Variants in GLS observed in about 807,000 individuals in gnomAD.
The protein encoded by GLS is glutaminase kidney isoform, mitochondrial.
Under a neutral mutation model 86.7 loss-of-function variants are expected in GLS, and 36 were observed. The ratio of observed to expected loss-of-function variants is 0.42; its 90% CI spans 0.32 to 0.55. The LOEUF (loss-of-function observed/expected upper bound fraction) is 0.55, where lower values mean the gene tolerates loss of function less well. GLS is among the 20% of genes least tolerant of loss of function. The probability of loss-of-function intolerance (pLI) is 0.17; values close to 1 mark genes in which losing one functional copy is unlikely to be tolerated. For missense variants in GLS, 528 were observed against 833.4 expected (o/e 0.63, Z 4.51); for synonymous variants, 317 against 305.9 (o/e 1.04, Z -0.38).
rs901038456 is a variant in GLS at position 190,897,881 on chromosome 2, T to C, written c.605+2156T>C. On this transcript the variant is annotated intron_variant, in intron 3 of 17. Transcript: ENST00000320717. This position sits in a 1 kb window ranked among gnomAD's most constrained non-coding sequence, Gnocchi z 4.3. ...TAATATTTTTAGACTTTTTCGGTAA[T>C]CTGAGAAAACTATTATGTGTGACTT... Among the ~76,000 whole-genome samples the C allele has an allele frequency of 6.6e-6, 1 of 152,208 alleles. No homozygotes were observed. The highest frequency in any genetic ancestry group is 2.4e-5 in the African/African-American group (1 of 41,452).
At chr2:190,908,300 G>C (rs1178038512) in intron 6 of GLS, among the ~76,000 whole-genome samples, 1 of 152,124 alleles carries the variant, frequency 6.6e-6, no homozygotes, top group Non-Finnish European at 1.5e-5. Context: ...TTTAGTATAT[G>C]TATTAGCAAA....
intron 1 of GLS, among the ~76,000 whole-genome samples, chr2:190,889,264 T>C (rs2125977483): frequency 6.6e-6 from 1 of 152,332 alleles, no homozygotes; most frequent in South Asian, 2.1e-4. Flanking sequence ...ATTCAATTTA[T>C]AGAGTTAATT....
At position 190,943,649 on chromosome 2, in the gene GLS, T is replaced by C. The variant is rs963250284; in HGVS notation, c.1651-9916T>C. 6.6e-6 allele frequency among the ~76,000 whole-genome samples: 1 copy of C among 152,204 alleles called. No homozygotes were observed. Among genetic ancestry groups the C allele is most frequent in the Non-Finnish European group, 1.5e-5 (1 of 68,024 alleles). The stretch of plus-strand genomic sequence containing the variant: ...TATTTTTTAGTGTCTTAAAATATGC[T>C]TTTCTCCAGCAATTTTCTGTATTAT... On this transcript the variant is annotated intron_variant, in intron 14 of 17. Coordinates refer to ENST00000320717, the MANE Select transcript of GLS (RefSeq NM_014905.5). This position sits in a 1 kb window ranked among gnomAD's most constrained non-coding sequence, Gnocchi z 4.5.
chr2:190,936,435 T>A (rs1296860168), intron 14 of GLS, among the ~76,000 whole-genome samples: 1 of 151,254 alleles, frequency 6.6e-6, no homozygotes, highest in Admixed American at 6.6e-5. Context: ...GATGAGCAGT[T>A]CTTTTCACAT....
chr2:190,907,543 A>G (rs958501415), intron 6 of GLS, among the ~76,000 whole-genome samples: 6 of 152,242 alleles, frequency 3.9e-5, no homozygotes, highest in Non-Finnish European at 5.9e-5. Context: ...GGCGTGAGCC[A>G]CCACACCTGG....
rs1219513940 is a variant in GLS at position 190,951,354 on chromosome 2, A to C, written c.1651-2211A>C. On this transcript the variant is annotated intron_variant, in intron 14 of 17. Coordinates refer to ENST00000320717, the MANE Select transcript of GLS (RefSeq NM_014905.5). This position sits in a 1 kb window ranked among gnomAD's most constrained non-coding sequence, Gnocchi z 4.2. ...GTAATTTTCAGGGAATTAAAAATAT[A>C]CTTTCAGGAAATAAGCGCTGAAGGG... is the stretch of plus-strand genomic sequence containing the variant. Among the ~76,000 whole-genome samples the C allele has an allele frequency of 6.6e-6, 1 of 152,134 alleles. No individual in the cohort carries two copies. The highest frequency in any genetic ancestry group is 1.9e-4 in the East Asian group (1 of 5,192).
Position 190,921,730 on chromosome 2 carries a change from T to G in GLS, c.1130+527T>G, listed in dbSNP as rs139889012. On this transcript the variant is annotated intron_variant, in intron 9 of 17. Transcript: ENST00000320717. This position sits in a 1 kb window ranked among gnomAD's most constrained non-coding sequence, Gnocchi z 4.2. Reference sequence around the variant, plus strand: ...GCAGGCATCATACTTCACCCTTAGATAAGAAAGCACATACAGTCTAAGAAT... The same window carrying G: ...GCAGGCATCATACTTCACCCTTAGAGAAGAAAGCACATACAGTCTAAGAAT... 2.7e-3 allele frequency among the ~76,000 whole-genome samples: 415 copies of G among 152,062 alleles called. 2 individuals carry two copies. The highest frequency in any genetic ancestry group is 4.6e-3 in the Non-Finnish European group (311 of 67,868).
At chr2:190,944,046 C>A (rs1409857976) in intron 14 of GLS, among the ~76,000 whole-genome samples, 2 of 152,134 alleles carry the variant, frequency 1.3e-5, no homozygotes, top group East Asian at 3.8e-4. Flanking sequence ...GAATTGAAAC[C>A]ATAATTCTTC....
At position 190,951,481 on chromosome 2, in the gene GLS, T is replaced by C. The variant is rs1160452521; in HGVS notation, c.1651-2084T>C. Among the ~76,000 whole-genome samples the C allele has an allele frequency of 6.6e-6, 1 of 152,056 alleles. No homozygotes were observed. Among genetic ancestry groups the C allele is most frequent in the South Asian group, 2.1e-4 (1 of 4,828 alleles). The stretch of plus-strand genomic sequence containing the variant: ...ATGAAAGAGGAAAAGTTAAAGATGC[T>C]AGAAACAAAGGGGATCAGTGAGGGA... On this transcript the variant is annotated intron_variant, in intron 14 of 17. Coordinates refer to ENST00000320717, the MANE Select transcript of GLS (RefSeq NM_014905.5). This position sits in a 1 kb window ranked among gnomAD's most constrained non-coding sequence, Gnocchi z 4.2.
intron 14 of GLS, among the ~76,000 whole-genome samples, chr2:190,937,161 A>G (rs1443246497): frequency 6.6e-6 from 1 of 151,420 alleles, no homozygotes; most frequent in African/African-American, 2.4e-5. Flanking sequence ...AAAATTATAC[A>G]TAAACATACA....
At chr2:190,959,065 T>G (rs1016833416) in intron 17 of GLS, among the ~76,000 whole-genome samples, 1 of 152,190 alleles carries the variant, frequency 6.6e-6, no homozygotes, top group African/African-American at 2.4e-5. Flanking sequence ...AGTCTCTTTG[T>G]AGGTCTCTAA....
intron 1 of GLS, among the ~76,000 whole-genome samples, chr2:190,885,378 T>C (rs909491164): frequency 2.0e-5 from 3 of 152,072 alleles, no homozygotes; most frequent in Admixed American, 6.6e-5. Context: ...TTAGTAGAGA[T>C]GGGGTTTCAC....
intron 1 of GLS, among the ~76,000 whole-genome samples, chr2:190,890,864 A>G (rs1688537208): frequency 6.6e-6 from 1 of 151,980 alleles, no homozygotes; most frequent in Non-Finnish European, 1.5e-5. Context: ...ATACTATACT[A>G]TGTGTTTTAA....
chr2:190,887,232 G>A (rs910469767), intron 1 of GLS, among the ~76,000 whole-genome samples: 2 of 152,126 alleles, frequency 1.3e-5, no homozygotes, highest in African/African-American at 4.8e-5. Context: ...TAGAGATACT[G>A]TTAGTACAGT....
chr2:190,896,630 A>C (rs1490673673), intron 3 of GLS: 3 of 152,168 alleles, frequency 2.0e-5, no homozygotes, highest in African/African-American at 4.8e-5. Flanking sequence ...TGAAGGTATA[A>C]GTATTTAACT....
chr2:190,945,731 C>A (rs1690562947), intron 14 of GLS, among the ~76,000 whole-genome samples: 1 of 151,764 alleles, frequency 6.6e-6, no homozygotes, highest in Non-Finnish European at 1.5e-5. Flanking sequence ...TTAGCAAAGT[C>A]AAGAACAGAA....
rs1688131688 is a variant in GLS, at chr2:190,880,975, C to A, written c.-110C>A. 2 of 1,272,120 alleles carry A rather than the reference C, an allele frequency of 1.6e-6. No homozygotes were observed. Among genetic ancestry groups the A allele is most frequent in the Admixed American group, 2.0e-5 (1 of 48,818 alleles). 78.8% of individuals were successfully genotyped at this position (1,272,120 alleles called of 1,614,324 possible). A position where few individuals can be genotyped will look rare whatever the true frequency, so the allele number is the denominator to read the frequency against. Reference sequence around the variant, plus strand: ...AACCACACCCAAGTAGCTGCCCTTTCCTCTTCTGTCATCTCACCGCCCCAC... The same window carrying A: ...AACCACACCCAAGTAGCTGCCCTTTACTCTTCTGTCATCTCACCGCCCCAC... On this transcript the variant is annotated 5_prime_UTR_variant, in exon 1 of 18. Coordinates refer to ENST00000320717, the MANE Select transcript of GLS (RefSeq NM_014905.5).
In GLS at chr2:190,897,904, C is replaced by CT. The variant is rs1211481474; in HGVS notation, c.605+2186dup. The stretch of plus-strand genomic sequence containing the variant: ...AATCTGAGAAAACTATTATGTGTGA[C>CT]TTTTTTTAACTTGGGAAAATACGTT... On this transcript the variant is annotated intron_variant, in intron 3 of 17. Transcript: ENST00000320717. This position sits in a 1 kb window ranked among gnomAD's most constrained non-coding sequence, Gnocchi z 4.3. Among the ~76,000 whole-genome samples, 1 of 152,088 alleles carries CT rather than the reference C, an allele frequency of 6.6e-6. No individual in the cohort carries two copies. Among genetic ancestry groups the CT allele is most frequent in the Non-Finnish European group, 1.5e-5 (1 of 68,004 alleles).
intron 1 of GLS, 105 bp downstream of exon 1, chr2:190,881,575 AAG>A: frequency 9.5e-7 from 1 of 1,054,652 alleles, no homozygotes; most frequent in Non-Finnish European, 1.3e-6. Flanking sequence ...GGGTCTAGAA[AAG>A]AGAAAGAAAG....
Sources: gnomAD v4.1 joint callset for allele counts (sites outside exome capture counted in the v4.1 genomes callset) on GRCh38, gnomAD v4.1.1 for gene constraint, Gnocchi (gnomAD v3.1) non-coding constraint, MANE v1.5 for transcripts, NCBI Gene and HGNC (gene_info 2026-07-23, HGNC 2026-07-21) for gene names.